MTF2: variants seen among roughly 807,000 people sequenced by gnomAD.
The protein encoded by MTF2 is metal-response element-binding transcription factor 2.
In MTF2, 11 loss-of-function variants were observed where a neutral mutation model predicts 79.5. The ratio of observed to expected loss-of-function variants is 0.14; its 90% CI spans 0.09 to 0.23. MTF2 has a LOEUF of 0.23. Among genes scored for constraint, MTF2 ranks in the 10% least tolerant of loss-of-function variants. The pLI is 1.00. For synonymous variants in MTF2, 208 were observed against 232.8 expected (o/e 0.89, Z 0.97); for missense variants, 486 against 711.2 (o/e 0.68, Z 3.60).
At chr1:93,130,704 G>A (rs1319600581) in intron 11 of MTF2, among the ~76,000 whole-genome samples, 1 of 152,136 alleles carries the variant, frequency 6.6e-6, no homozygotes, top group Non-Finnish European at 1.5e-5. Flanking sequence ...CTTGTGCAGA[G>A]GTAGGTGGTA....
At chr1:93,102,230 A>T (rs1252427430) in intron 1 of MTF2, among the ~76,000 whole-genome samples, 6 of 152,236 alleles carry the variant, frequency 3.9e-5, no homozygotes, top group Admixed American at 2.0e-4. Context: ...TGCTCTTGAA[A>T]ATTATCATGA....
Position 93,136,828 on chromosome 1 carries a change from A to G in MTF2, c.1583A>G (p.Asp528Gly), listed in dbSNP as rs112099255. The stretch of plus-strand genomic sequence containing the variant: ...GAAGGCAAAGAAGATTATCAGTTTG[A>G]TGAACTCAACACAGAGATTCTGAAT... Reference protein sequence around the residue: ...DDEGKEDYQFDELNTEILNNL... With the variant: ...DDEGKEDYQFGELNTEILNNL... Residue 528 changes from aspartate to glycine, a missense_variant, in exon 15 of 15, where the codon GAT (aspartate) becomes GGT (glycine). Around this residue, in one of 4 missense-constraint regions of MTF2, gnomAD observed 209 missense variants for 206.5 expected, o/e 1.01. Transcript: ENST00000370298. 6.2e-7 allele frequency: 1 copy of G among 1,614,124 alleles called. No homozygotes were observed. Among genetic ancestry groups the G allele is most frequent in the African/African-American group, 1.3e-5 (1 of 74,934 alleles).
intron 1 of MTF2, 84 bp downstream of exon 1, chr1:93,079,615 G>A: frequency 6.4e-7 from 1 of 1,561,430 alleles, no homozygotes; most frequent in East Asian, 2.2e-5. Flanking sequence ...AAGTATAAAA[G>A]GGAAAGATGG....
At chr1:93,103,992 G>A (rs561789205) in intron 1 of MTF2, among the ~76,000 whole-genome samples, 1 of 152,230 alleles carries the variant, frequency 6.6e-6, no homozygotes, top group Admixed American at 6.5e-5. Flanking sequence ...AGGCTGGAGT[G>A]CAGTGGTGAA....
At chr1:93,136,619 T>C in intron 14 of MTF2, 51 bp from the exon 15 acceptor site, 1 of 1,412,026 alleles carries the variant, frequency 7.1e-7, no homozygotes, top group Non-Finnish European at 9.8e-7. Context: ...TGTATGGGCA[T>C]AGGATGCTAA....
rs1655982224 is a variant in MTF2, at chr1:93,110,442, A to C, written c.204+14A>C. ...ACTATCAAAAAGGCAAGTTACTTTA[A>C]TGTATCTTTTGCTGTTTTTGCAGTA... On this transcript the variant is annotated intron_variant, in intron 2 of 14. Coordinates refer to ENST00000370298, the MANE Select transcript of MTF2 (RefSeq NM_007358.4). The C allele has an allele frequency of 6.2e-7, 1 of 1,613,622 alleles. No homozygotes were observed. Among genetic ancestry groups the C allele is most frequent in the Non-Finnish European group, 8.5e-7 (1 of 1,179,546 alleles).
rs564232458 is a variant in MTF2, at chr1:93,119,151, A to G, written c.729-182A>G. ...CTCTTCACATATGAACTGTTTCATT[A>G]TTTGTTATTGGAAAAGAACTTCCTT... On this transcript the variant is annotated intron_variant, in intron 7 of 14. Transcript: ENST00000370298. 6.6e-5 allele frequency among the ~76,000 whole-genome samples: 10 copies of G among 152,290 alleles called. No homozygotes were observed. In the East Asian group the frequency reaches 1.9e-3, roughly 29 times the overall value.
At chr1:93,126,176 T>C (rs754402272) in intron 9 of MTF2, among the ~76,000 whole-genome samples, 2 of 151,534 alleles carry the variant, frequency 1.3e-5, no homozygotes, top group Non-Finnish European at 1.5e-5. Flanking sequence ...TTTTTAGCAC[T>C]CAGCATATTG....
chr1:93,118,821 T>A (rs1233767670), intron 7 of MTF2, among the ~76,000 whole-genome samples: 2 of 152,240 alleles, frequency 1.3e-5, no homozygotes, highest in African/African-American at 4.8e-5. Context: ...ATGTACTTTC[T>A]ATATTAGAAG....
chr1:93,128,090 A>G (rs781318552), intron 10 of MTF2, among the ~76,000 whole-genome samples: 20 of 152,174 alleles, frequency 1.3e-4, no homozygotes, highest in Non-Finnish European at 1.6e-4. Context: ...ACCTTGAAGT[A>G]TAATAAAAAG....
At chr1:93,125,004 T>C (rs1656633906) in intron 9 of MTF2, among the ~76,000 whole-genome samples, 1 of 152,030 alleles carries the variant, frequency 6.6e-6, no homozygotes, top group Admixed American at 6.5e-5. Flanking sequence ...AGCTAAAATA[T>C]GCAGTTCTAT....
Position 93,136,701 on chromosome 1 carries a change from G to A in MTF2, c.1456G>A (p.Gly486Arg). Residue 486 changes from glycine (G) to arginine (R), a missense_variant, in exon 15 of 15, where the codon GGA becomes AGA. Physicochemically the swap from Gly to Arg is moderately radical, Grantham distance 125. This residue lies in a region of MTF2 where 209 missense variants were observed against 206.5 expected (regional missense o/e 1.01). Transcript: ENST00000370298. ...LSDSRKRTRT[G>R]RSWPAAIPHL... ...TGACTCCAGAAAAAGAACGCGTACA[G>A]GAAGATCTTGGCCTGCTGCAATACC... 6.2e-7 allele frequency: 1 copy of A among 1,613,980 alleles called. No homozygotes were observed.
Position 93,115,505 on chromosome 1 carries a change from A to G in MTF2, c.519A>G (p.Lys173=). Residue 173 remains lysine (K), a synonymous_variant, in exon 6 of 15, where the codon AAA becomes AAG. Transcript: ENST00000370298. ...CACTTAAGAAAGGACCAAATGCCAA[A>G]GCATTGCAAGTCATGAAGCAGACAT... ...GGALKKGPNA[K]ALQVMKQTLP... 6.2e-7 allele frequency: 1 copy of G among 1,608,730 alleles called. No homozygotes were observed. Among genetic ancestry groups the G allele is most frequent in the Non-Finnish European group, 8.5e-7 (1 of 1,177,998 alleles).
At chr1:93,126,515 C>A (rs747066812) in intron 9 of MTF2, among the ~76,000 whole-genome samples, 1 of 151,122 alleles carries the variant, frequency 6.6e-6, no homozygotes, top group Non-Finnish European at 1.5e-5. Flanking sequence ...AGCATTAATT[C>A]AGGATGGTCC....
intron 1 of MTF2, among the ~76,000 whole-genome samples, chr1:93,099,046 C>A (rs1655418754): frequency 6.6e-6 from 1 of 152,112 alleles, no homozygotes; most frequent in South Asian, 2.1e-4. Context: ...AGTTGTCCAG[C>A]CGCTCAGGTA....
intron 1 of MTF2, among the ~76,000 whole-genome samples, chr1:93,101,579 T>TGTTTTTG (rs1421358491): frequency 9.7e-6 from 1 of 103,336 alleles, no homozygotes; most frequent in African/African-American, 3.6e-5. Flanking sequence ...TTTTTTTTTT[T>TGTTTTTG]TTTTTTTTTT....
rs1424732864 is a variant in MTF2 at position 93,133,785 on chromosome 1, C to A, written c.1243C>A (p.Gln415Lys). 4 of 1,609,276 alleles carry A rather than the reference C, an allele frequency of 2.5e-6. No individual in the cohort carries two copies. Among genetic ancestry groups the A allele is most frequent in the Admixed American group, 1.7e-5 (1 of 59,716 alleles). ...PPGPYTRKMI[Q>K]KTAEPLLDKE... ...TGGCCCATATACAAGAAAAATGATTCAAAAAACTGCTGAGCCACTTTTGGT... is the reference window on the plus strand; with the variant it reads ...TGGCCCATATACAAGAAAAATGATTAAAAAAACTGCTGAGCCACTTTTGGT... The change falls in exon 12 of 15, where the codon CAA becomes AAA. Residue 415 changes from glutamine to lysine, a missense_variant. Coordinates refer to ENST00000370298, the MANE Select transcript of MTF2 (RefSeq NM_007358.4).
At chr1:93,117,792 C>T (rs1377908989) in intron 6 of MTF2, among the ~76,000 whole-genome samples, 1 of 151,902 alleles carries the variant, frequency 6.6e-6, no homozygotes, top group African/African-American at 2.4e-5. Context: ...TTTGGGAGGC[C>T]GAGGACAGAG....
chr1:93,123,736 G>A (rs2101079749), intron 9 of MTF2, among the ~76,000 whole-genome samples: 3 of 146,040 alleles, frequency 2.1e-5, no homozygotes, highest in Middle Eastern at 3.8e-3. Flanking sequence ...CATTGAATCA[G>A]TTGTATTCTG....
Sources: allele counts gnomAD v4.1 joint callset (sites outside exome capture counted in the v4.1 genomes callset), GRCh38; gene constraint gnomAD v4.1.1; regional missense constraint gnomAD v4.1.1; transcripts MANE v1.5; gene names NCBI Gene and HGNC (gene_info 2026-07-23, HGNC 2026-07-21).